The following PALM2AKAP2 variants were observed in gnomAD, a reference collection of about 807,000 sequenced individuals.
PALM2AKAP2 encodes the protein PALM2-AKAP2 fusion protein.
PALM2AKAP2 carries 37 observed loss-of-function variants against 71.5 expected under a neutral mutation model. That is an observed-to-expected ratio of 0.52 (90% CI 0.40 to 0.68). PALM2AKAP2 has a LOEUF of 0.68. Ranked by LOEUF, PALM2AKAP2 falls within the 30% of genes least tolerant of loss-of-function variation. PALM2AKAP2 has a pLI of 0.00. For synonymous variants in PALM2AKAP2, 468 were observed against 478.8 expected, an observed-to-expected ratio of 0.98 and a Z score of 0.29; for missense variants, 1,224 against 1,191.8, an observed-to-expected ratio of 1.03 and a Z score of -0.40.
At chr9:109,843,246 G>A (rs890122977) in intron 1 of PALM2AKAP2, among the ~76,000 whole-genome samples, 20 of 138,092 alleles carry the variant, frequency 1.4e-4, no homozygotes, top group Admixed American at 1.2e-3. Context: ...GTGCTGCAGT[G>A]AGCTATGATG....
intron 1 of PALM2AKAP2, among the ~76,000 whole-genome samples, chr9:109,731,326 G>A (rs1183085906): frequency 1.3e-5 from 2 of 152,200 alleles, no homozygotes; most frequent in Non-Finnish European, 2.9e-5. Context: ...AAATGATGCA[G>A]TTGTCAAACT....
At chr9:110,048,786 G>A (rs1326971671) in exon 1 of PALM2AKAP2, 1 of 1,534,684 alleles carries the variant, frequency 6.5e-7, no homozygotes, top group South Asian at 1.2e-5. Context: ...CGGAGCGGGA[G>A]GCAGCGGCCG....
chr9:110,159,354 G>A (rs1457328890), intron 3 of PALM2AKAP2, among the ~76,000 whole-genome samples: 4 of 152,008 alleles, frequency 2.6e-5, no homozygotes, highest in African/African-American at 9.7e-5. Context: ...ATCACCCCTG[G>A]CACCTCCATT....
chr9:109,881,876 C>CTTT (rs565835467), intron 3 of PALM2AKAP2, among the ~76,000 whole-genome samples: 2 of 95,114 alleles, frequency 2.1e-5, no homozygotes, highest in Admixed American at 1.4e-4. Context: ...CTTATGAGCT[C>CTTT]TTTTTTTTTT....
At chr9:110,156,184 TG>T in intron 2 of PALM2AKAP2, 134 bp from the exon 9 acceptor site, 3 of 1,242,932 alleles carry the variant, frequency 2.4e-6, no homozygotes, top group Admixed American at 6.0e-5. Flanking sequence ...TATAATAAAA[TG>T]GCCTACACTT....
intron 1 of PALM2AKAP2, among the ~76,000 whole-genome samples, chr9:109,838,313 T>A (rs1189214545): frequency 1.3e-5 from 2 of 152,212 alleles, no homozygotes; most frequent in Non-Finnish European, 2.9e-5. Flanking sequence ...GAAGTAAAGA[T>A]GTTCTTTGAA....
At chr9:109,845,235 T>G (rs572100426) in intron 1 of PALM2AKAP2, among the ~76,000 whole-genome samples, 1 of 152,344 alleles carries the variant, frequency 6.6e-6, no homozygotes, top group Non-Finnish European at 1.5e-5. Flanking sequence ...CACCATGTGC[T>G]GTGTCAAAAC....
chr9:109,665,591 G>T (rs1233185792), intron 1 of PALM2AKAP2, among the ~76,000 whole-genome samples: 1 of 152,150 alleles, frequency 6.6e-6, no homozygotes, highest in Non-Finnish European at 1.5e-5. Flanking sequence ...CCGCCTATAT[G>T]AGGTGTCTGT....
intron 1 of PALM2AKAP2, among the ~76,000 whole-genome samples, chr9:110,117,345 G>A (rs1053656882): frequency 3.9e-5 from 6 of 151,928 alleles, no homozygotes; most frequent in Non-Finnish European, 7.4e-5. Context: ...GGCTGGTCTC[G>A]AACTCCTGGG....
At chr9:110,085,584 A>G (rs1410350961) in intron 1 of PALM2AKAP2, among the ~76,000 whole-genome samples, 1 of 152,244 alleles carries the variant, frequency 6.6e-6, no homozygotes, top group Non-Finnish European at 1.5e-5. Context: ...ACTTCAGAGG[A>G]AAAAACCTCA....
intron 1 of PALM2AKAP2, among the ~76,000 whole-genome samples, chr9:110,116,960 T>C (rs921617664): frequency 2.0e-5 from 3 of 152,236 alleles, no homozygotes; most frequent in Non-Finnish European, 4.4e-5. Flanking sequence ...ACCTAACAAG[T>C]AGATGAGCCC....
intron 1 of PALM2AKAP2, among the ~76,000 whole-genome samples, chr9:109,651,057 C>T (rs937612552): frequency 6.6e-6 from 1 of 152,074 alleles, no homozygotes; most frequent in Non-Finnish European, 1.5e-5. Context: ...CCATTTTCTA[C>T]CCTTCCCTGC....
intron 1 of PALM2AKAP2, among the ~76,000 whole-genome samples, chr9:109,754,881 A>G (rs1828935281): frequency 6.6e-6 from 1 of 152,134 alleles, no homozygotes; most frequent in Non-Finnish European, 1.5e-5. Flanking sequence ...GGGGAACACA[A>G]CATTCAGGCC....
At position 110,146,004 on chromosome 9, in the gene PALM2AKAP2, T is replaced by G. The variant is rs557517508; in HGVS notation, c.2569+7465T>G. Among the ~76,000 whole-genome samples the G allele has an allele frequency of 1.8e-4, 27 of 147,604 alleles. No homozygotes were observed. The South Asian group carries it at 5.8e-3, about 32-fold the overall frequency. ...AGCTCTGCCTCCCAGGTTCACGCCATTCTCCTGCCTCAGCCTCCCGAGTAG... is the reference window on the plus strand; with the variant it reads ...AGCTCTGCCTCCCAGGTTCACGCCAGTCTCCTGCCTCAGCCTCCCGAGTAG... On this transcript the variant is annotated intron_variant, in intron 2 of 3. Coordinates refer to ENST00000374525, the Ensembl canonical transcript of PALM2AKAP2.
At chr9:110,115,582 C>T (rs956900040) in intron 1 of PALM2AKAP2, among the ~76,000 whole-genome samples, 3 of 152,196 alleles carry the variant, frequency 2.0e-5, no homozygotes, top group Non-Finnish European at 2.9e-5. Context: ...GGACTTTCCT[C>T]GAGTTCTCTT....
chr9:109,862,050 C>T (rs1197570158), intron 1 of PALM2AKAP2, among the ~76,000 whole-genome samples: 7 of 152,008 alleles, frequency 4.6e-5, no homozygotes, highest in Non-Finnish European at 1.0e-4. Context: ...CCTCAAGGAG[C>T]CCATAGTTTG....
chr9:109,897,425 C>G (rs1424547128), intron 3 of PALM2AKAP2, among the ~76,000 whole-genome samples: 3 of 151,746 alleles, frequency 2.0e-5, no homozygotes, highest in African/African-American at 7.3e-5. Context: ...ACTAAAAATA[C>G]AAAAATTAGC....
intron 3 of PALM2AKAP2, among the ~76,000 whole-genome samples, chr9:109,911,947 G>A (rs1218291920): frequency 6.6e-6 from 1 of 152,186 alleles, no homozygotes; most frequent in East Asian, 1.9e-4. Flanking sequence ...GAATCAGAAT[G>A]AATGAACATA....
intron 2 of PALM2AKAP2, among the ~76,000 whole-genome samples, chr9:110,154,079 G>A (rs1836388458): frequency 1.3e-5 from 2 of 152,158 alleles, no homozygotes; most frequent in Non-Finnish European, 1.5e-5. Flanking sequence ...TGCAGAATAT[G>A]CATGAAATTG....
Sources: gnomAD v4.1 joint callset for allele counts (sites outside exome capture counted in the v4.1 genomes callset) on GRCh38, gnomAD v4.1.1 for gene constraint, MANE v1.5 for transcripts, NCBI Gene and HGNC (gene_info 2026-07-23, HGNC 2026-07-21) for gene names.